KDM4C: variants seen among roughly 807,000 people sequenced by gnomAD.
The protein encoded by KDM4C is lysine-specific demethylase 4C.
In KDM4C, 81 loss-of-function variants were observed where a neutral mutation model predicts 129.3. The observed-to-expected ratio is 0.63, with a 90% CI of 0.52 to 0.75. The LOEUF (loss-of-function observed/expected upper bound fraction) is 0.75. Among genes scored for constraint, KDM4C ranks in the 30% least tolerant of loss-of-function variants. KDM4C has a pLI of 0.00. For missense variants in KDM4C, 1,457 were observed against 1,304.0 expected, an observed-to-expected ratio of 1.12 and a Z score of -1.81; for synonymous variants, 573 against 456.1, an observed-to-expected ratio of 1.26 and a Z score of -3.26.
intron 5 of KDM4C, among the ~76,000 whole-genome samples, chr9:6,863,316 T>C (rs912563508): frequency 6.6e-6 from 1 of 152,168 alleles, no homozygotes; most frequent in Non-Finnish European, 1.5e-5. Context: ...CATCTGACTT[T>C]CCTTGTGTAG....
chr9:6,809,381 T>C (rs1433837352), intron 3 of KDM4C, among the ~76,000 whole-genome samples: 2 of 152,214 alleles, frequency 1.3e-5, no homozygotes, highest in Non-Finnish European at 1.5e-5. Flanking sequence ...ATTGACTGTT[T>C]TCTGTTACTG....
At chr9:7,052,131 T>C (rs1029678105) in intron 17 of KDM4C, among the ~76,000 whole-genome samples, 1 of 152,248 alleles carries the variant, frequency 6.6e-6, no homozygotes, top group Non-Finnish European at 1.5e-5. Flanking sequence ...GTTAAATGTT[T>C]TTAAAAACAA....
At chr9:7,000,073 C>T (rs1192506189) in intron 12 of KDM4C, among the ~76,000 whole-genome samples, 1 of 152,098 alleles carries the variant, frequency 6.6e-6, no homozygotes, top group Non-Finnish European at 1.5e-5. Flanking sequence ...GTTATGTGGA[C>T]ACAAAACATT....
At chr9:6,806,498 A>AATATAAAT (rs373532277) in intron 3 of KDM4C, among the ~76,000 whole-genome samples, 1 of 146,690 alleles carries the variant, frequency 6.8e-6, no homozygotes, top group Admixed American at 6.8e-5. Flanking sequence ...CCGTCTCGAA[A>AATATAAAT]AAATAAATAA....
At chr9:7,083,436 C>T (rs541038498) in intron 17 of KDM4C, among the ~76,000 whole-genome samples, 1 of 152,274 alleles carries the variant, frequency 6.6e-6, no homozygotes, top group South Asian at 2.1e-4. Flanking sequence ...GCAGTTTTGT[C>T]TGTGTGCAAA....
chr9:6,988,120 A>G (rs1040867855), intron 11 of KDM4C, among the ~76,000 whole-genome samples: 15 of 140,982 alleles, frequency 1.1e-4, no homozygotes, highest in Non-Finnish European at 1.8e-4. Context: ...CCACCACTGC[A>G]CTCTAGCCTG....
chr9:7,109,760 T>A (rs759449918), intron 18 of KDM4C, among the ~76,000 whole-genome samples: 3 of 152,194 alleles, frequency 2.0e-5, no homozygotes, highest in Non-Finnish European at 2.9e-5. Flanking sequence ...TTGGACCTTT[T>A]GGAGCCTCTT....
At chr9:6,753,851 ATTACTATCATTGAATTCTTTTTT>A (rs1296351508), upstream of KDM4C, among the ~76,000 whole-genome samples, 1 of 146,830 alleles carries the variant, frequency 6.8e-6, no homozygotes, top group Admixed American at 6.9e-5. Context: ...AACACTAAGT[ATTACTATCATTGAATTCTTTTTT>A]TTTTTTTTTT....
rs568039213 is a variant in KDM4C at position 6,945,071 on chromosome 9, CTCTT to C, written c.922-35849_922-35846del. On this transcript the variant is annotated intron_variant, in intron 8 of 21. Coordinates refer to ENST00000381309, the MANE Select transcript of KDM4C (RefSeq NM_015061.6). ...GACCTTATGTGATCTCCTTCTCACT[CTCTT>C]TCTTGCTCTACACAGCCACAGACAT... Among the ~76,000 whole-genome samples, 25 of 152,162 alleles carry C rather than the reference CTCTT, an allele frequency of 1.6e-4. No individual in the cohort carries two copies. In the South Asian group the frequency reaches 3.7e-3, roughly 23 times the overall value.
chr9:6,862,011 A>G (rs1841026397), intron 5 of KDM4C, among the ~76,000 whole-genome samples: 1 of 152,034 alleles, frequency 6.6e-6, no homozygotes, highest in South Asian at 2.1e-4. Context: ...ACCTCAGGTG[A>G]TTCACCTGCT....
intron 1 of KDM4C, among the ~76,000 whole-genome samples, chr9:6,730,512 G>T (rs1817288868): frequency 6.6e-6 from 1 of 151,930 alleles, no homozygotes; most frequent in African/African-American, 2.4e-5. Flanking sequence ...CTACTCGGGA[G>T]GCTGAGGCAG....
At chr9:7,159,167 T>C (rs1269154758) in intron 19 of KDM4C, among the ~76,000 whole-genome samples, 1 of 152,236 alleles carries the variant, frequency 6.6e-6, no homozygotes, top group African/African-American at 2.4e-5. Flanking sequence ...CTGCTTTTTT[T>C]GCTTTCCATT....
chr9:6,944,269 G>A (rs1431861739), intron 8 of KDM4C, among the ~76,000 whole-genome samples: 1 of 152,184 alleles, frequency 6.6e-6, no homozygotes, highest in East Asian at 1.9e-4. Context: ...TGCAGGAAGT[G>A]CTTAATATTA....
At chr9:6,877,495 T>C (rs375430631) in intron 5 of KDM4C, among the ~76,000 whole-genome samples, 44 of 152,336 alleles carry the variant, frequency 2.9e-4, no homozygotes, top group South Asian at 1.0e-3. Context: ...CCACCACACC[T>C]GGCCTAACAA....
At chr9:6,846,147 G>A (rs1218326363) in intron 4 of KDM4C, among the ~76,000 whole-genome samples, 1 of 152,194 alleles carries the variant, frequency 6.6e-6, no homozygotes, top group Non-Finnish European at 1.5e-5. Context: ...TGTTGACAAT[G>A]ATGCTGAGAG....
At chr9:7,170,499 CA>C in intron 21 of KDM4C, 3 of 977,842 alleles carry the variant, frequency 3.1e-6, no homozygotes, top group Non-Finnish European at 3.6e-6. Context: ...AAAAGATGAA[CA>C]AACATGGACA....
intron 8 of KDM4C, among the ~76,000 whole-genome samples, chr9:6,908,952 T>G (rs1818803964): frequency 6.6e-6 from 1 of 152,206 alleles, no homozygotes. Flanking sequence ...TACGAGGTAT[T>G]GATATTTATT....
intron 4 of KDM4C, among the ~76,000 whole-genome samples, chr9:6,832,879 C>A (rs866823426): frequency 2.4e-4 from 36 of 150,810 alleles, no homozygotes; most frequent in African/African-American, 7.8e-4. Context: ...AGGCACCCAC[C>A]ACCTTGCCTG....
intron 17 of KDM4C, among the ~76,000 whole-genome samples, chr9:7,102,865 T>C (rs1837257087): frequency 6.6e-6 from 1 of 152,220 alleles, no homozygotes. Context: ...AACCATTTTT[T>C]CCTAACCCTC....
Sources: gnomAD v4.1 joint callset for allele counts (sites outside exome capture counted in the v4.1 genomes callset) on GRCh38, gnomAD v4.1.1 for gene constraint, MANE v1.5 for transcripts, NCBI Gene and HGNC (gene_info 2026-07-23, HGNC 2026-07-21) for gene names.